The following ANKRD45 variants were observed in gnomAD, a reference collection of about 807,000 sequenced individuals.
ANKRD45 encodes ankyrin repeat domain 45.
In ANKRD45, 21 loss-of-function variants were observed where a neutral mutation model predicts 28.1. The observed-to-expected ratio is 0.75, with a 90% confidence interval of 0.53 to 1.08. The LOEUF (loss-of-function observed/expected upper bound fraction) is 1.08. Among genes scored for constraint, ANKRD45 ranks in the 50% least tolerant of loss-of-function variants. The pLI is 0.00. For synonymous variants in ANKRD45, 86 were observed against 103.9 expected (o/e 0.83, Z 1.05); for missense variants, 261 against 308.7 (o/e 0.85, Z 1.16).
chr1:173,656,579 C>A (rs528681022), intron 2 of ANKRD45, among the ~76,000 whole-genome samples: 2 of 152,162 alleles, frequency 1.3e-5, no homozygotes, highest in South Asian at 2.1e-4. Flanking sequence ...GATGTATGGC[C>A]CGACATGGCC....
chr1:173,711,016 AAAG>A, the ANKRD45 span, among the ~76,000 whole-genome samples: 4 of 152,208 alleles, frequency 2.6e-5, no homozygotes, highest in East Asian at 1.9e-4. Context: ...AAAGAAAAAA[AAAG>A]AAGAAGAATG....
chr1:173,713,225 C>A, the ANKRD45 span, among the ~76,000 whole-genome samples: 14 of 152,170 alleles, frequency 9.2e-5, no homozygotes, highest in Non-Finnish European at 7.4e-5. Context: ...TATGTGTATC[C>A]GTGAAATCGC....
chr1:173,706,061 T>C, the ANKRD45 span, among the ~76,000 whole-genome samples: 9 of 152,128 alleles, frequency 5.9e-5, no homozygotes. Context: ...TCCCAGCACT[T>C]TGGGAGGCCG....
chr1:173,677,213 TGA>T, the ANKRD45 span, among the ~76,000 whole-genome samples: 1 of 151,908 alleles, frequency 6.6e-6, no homozygotes, highest in Admixed American at 6.6e-5. Flanking sequence ...ACTTTTATTT[TGA>T]GAGAGGAAAC....
At chr1:173,673,297 G>GAGAT (rs1344664020), upstream of ANKRD45, among the ~76,000 whole-genome samples, 2 of 151,856 alleles carry the variant, frequency 1.3e-5, no homozygotes, top group Non-Finnish European at 2.9e-5. Context: ...TTTTTTAGTA[G>GAGAT]AGATGGGGTT....
At chr1:173,631,471 C>CT (rs1668194027) in intron 3 of ANKRD45, among the ~76,000 whole-genome samples, 2 of 152,132 alleles carry the variant, frequency 1.3e-5, no homozygotes. Context: ...TTAATCTACA[C>CT]TACAGACCAA....
the ANKRD45 span, among the ~76,000 whole-genome samples, chr1:173,691,944 G>T: frequency 6.6e-6 from 1 of 152,176 alleles, no homozygotes; most frequent in African/African-American, 2.4e-5. Context: ...GACTGCATGG[G>T]CTAAACTAAT....
the ANKRD45 span, among the ~76,000 whole-genome samples, chr1:173,710,419 T>C: frequency 6.6e-6 from 1 of 152,178 alleles, no homozygotes; most frequent in African/African-American, 2.4e-5. Context: ...AGTGTGAAGT[T>C]TGACCTTCTG....
the ANKRD45 span, among the ~76,000 whole-genome samples, chr1:173,699,332 A>G: frequency 6.6e-6 from 1 of 152,238 alleles, no homozygotes; most frequent in Non-Finnish European, 1.5e-5. Context: ...TGAGGCCAGC[A>G]TCATCTTGAT....
At chr1:173,692,554 T>C in the ANKRD45 span, among the ~76,000 whole-genome samples, 1 of 152,138 alleles carries the variant, frequency 6.6e-6, no homozygotes, top group African/African-American at 2.4e-5. Flanking sequence ...CTTAGTGATT[T>C]TGGGGGCCCA....
chr1:173,615,871 A>T (rs911195904), intron 5 of ANKRD45, among the ~76,000 whole-genome samples: 8 of 152,162 alleles, frequency 5.3e-5, no homozygotes, highest in Admixed American at 4.6e-4. Context: ...TGGGAGGCAG[A>T]GGCAGGCGGA....
chr1:173,699,294 AAG>A, the ANKRD45 span, among the ~76,000 whole-genome samples: 2 of 152,230 alleles, frequency 1.3e-5, no homozygotes, highest in South Asian at 2.1e-4. Flanking sequence ...TCAATAGAAA[AAG>A]AGAGAATCCT....
the ANKRD45 span, among the ~76,000 whole-genome samples, chr1:173,701,362 A>G: frequency 6.6e-6 from 1 of 152,326 alleles, no homozygotes; most frequent in East Asian, 1.9e-4. Flanking sequence ...ATAAAGACAC[A>G]TGTATACGTA....
At position 173,650,044 on chromosome 1, in the gene ANKRD45, G is replaced by A. The variant is rs533055684; in HGVS notation, c.329-3031C>T. 2.7e-4 allele frequency among the ~76,000 whole-genome samples: 41 copies of A among 152,196 alleles called. 1 individual carries two copies. The South Asian group carries it at 2.7e-3, about 10-fold the overall frequency. ...CACTATTGAGACATATATACATTTCGTGTGGTCTTTCATATAAATCAATAA... is the reference window on the plus strand; with the variant it reads ...CACTATTGAGACATATATACATTTCATGTGGTCTTTCATATAAATCAATAA... On this transcript the variant is annotated intron_variant, in intron 2 of 5. Coordinates refer to ENST00000333279, the MANE Select transcript of ANKRD45 (RefSeq NM_198493.3).
intron 4 of ANKRD45, 96 bp downstream of exon 4, chr1:173,626,969 G>A: frequency 2.6e-6 from 2 of 771,986 alleles, no homozygotes; most frequent in African/African-American, 1.8e-5. Flanking sequence ...AGGAAGTAAG[G>A]ACCACTACCT....
At chr1:173,639,266 G>A (rs566341015) in intron 3 of ANKRD45, among the ~76,000 whole-genome samples, 22 of 152,300 alleles carry the variant, frequency 1.4e-4, no homozygotes, top group African/African-American at 5.1e-4. Flanking sequence ...GTTGCCAGAA[G>A]AGATAGCTAT....
intron 1 of ANKRD45, among the ~76,000 whole-genome samples, chr1:173,662,184 G>A (rs1417177822): frequency 2.0e-5 from 3 of 152,148 alleles, no homozygotes; most frequent in Non-Finnish European, 2.9e-5. Context: ...CAAAACAGGT[G>A]GTGGTCCACA....
chr1:173,713,785 T>C, the ANKRD45 span, among the ~76,000 whole-genome samples: 1 of 151,910 alleles, frequency 6.6e-6, no homozygotes, highest in South Asian at 2.1e-4. Flanking sequence ...CCCCTACCCC[T>C]TTCCCCAGAC....
intron 3 of ANKRD45, among the ~76,000 whole-genome samples, chr1:173,632,374 A>C (rs1362638342): frequency 6.6e-6 from 1 of 152,020 alleles, no homozygotes; most frequent in Admixed American, 6.6e-5. Context: ...AAAGCCCAGG[A>C]CCCAATAGCT....
Sources: allele counts gnomAD v4.1 joint callset (sites outside exome capture counted in the v4.1 genomes callset), GRCh38; gene constraint gnomAD v4.1.1; transcripts MANE v1.5; gene names NCBI Gene and HGNC (gene_info 2026-07-23, HGNC 2026-07-21).